FAM227A: variants seen among roughly 807,000 people sequenced by gnomAD.
FAM227A encodes family with sequence similarity 227 member A.
FAM227A carries 80 observed loss-of-function variants against 74.7 expected under a neutral mutation model. The observed-to-expected ratio is 1.07, with a 90% CI of 0.89 to 1.29. The LOEUF (loss-of-function observed/expected upper bound fraction) is 1.29. FAM227A is among the 50% of genes most tolerant of loss of function. The probability of loss-of-function intolerance (pLI) is 0.00; values close to 1 mark genes in which losing one functional copy is unlikely to be tolerated. For synonymous variants in FAM227A, 237 were observed against 241.8 expected (o/e 0.98, Z 0.19); for missense variants, 654 against 683.4 (o/e 0.96, Z 0.48).
intron 15 of FAM227A, among the ~76,000 whole-genome samples, chr22:38,593,711 G>C (rs1234735929): frequency 6.6e-6 from 1 of 151,914 alleles, no homozygotes; most frequent in Non-Finnish European, 1.5e-5. Context: ...TTTATTTAGA[G>C]ACAGGGTCTC....
chr22:38,610,952 T>C (rs1056079628), intron 11 of FAM227A, among the ~76,000 whole-genome samples: 3 of 151,954 alleles, frequency 2.0e-5, no homozygotes, highest in East Asian at 3.9e-4. Context: ...CCCAGCTACT[T>C]GGGAGGCTGA....
chr22:38,621,196 C>A (rs948548561), intron 10 of FAM227A, among the ~76,000 whole-genome samples: 23 of 151,482 alleles, frequency 1.5e-4, no homozygotes, highest in African/African-American at 5.6e-4. Context: ...ACTAAAAATA[C>A]AAAAATTAGC....
rs1715751637 is a variant in FAM227A, at chr22:38,591,304, G to C, written c.1638+131C>G. 1.2e-5 allele frequency: 17 copies of C among 1,403,988 alleles called. No homozygotes were observed. The South Asian group carries it at 2.4e-4, about 20-fold the overall frequency. 87.0% of individuals were successfully genotyped at this position (1,403,988 alleles called of 1,614,324 possible). A position where few individuals can be genotyped will look rare whatever the true frequency, so the allele number is the denominator to read the frequency against. On this transcript the variant is annotated intron_variant, in intron 16 of 16. Transcript: ENST00000535113. ...GCACCACTGCACTCAGCCTTGAGGAGAGAGTGAGACTCTGTCTCAGTAAAA... is the reference window on the plus strand; with the variant it reads ...GCACCACTGCACTCAGCCTTGAGGACAGAGTGAGACTCTGTCTCAGTAAAA...
At position 38,626,312 on chromosome 22, in the gene FAM227A, C is replaced by G; in HGVS notation, c.727-9G>C. Reference sequence around the variant, plus strand: ...AGAAGTGATGGCAGCCTCTGCGGAGCAAGCCGAGCTCAGGCAACGTTCTCA... The same window carrying G: ...AGAAGTGATGGCAGCCTCTGCGGAGGAAGCCGAGCTCAGGCAACGTTCTCA... On this transcript the variant is annotated splice_polypyrimidine_tract_variant and intron_variant, in intron 8 of 16. Transcript: ENST00000535113. The G allele has an allele frequency of 6.5e-7, 1 of 1,550,010 alleles. No homozygotes were observed.
At chr22:38,633,408 G>A (rs1335503510) in intron 6 of FAM227A, among the ~76,000 whole-genome samples, 1 of 152,170 alleles carries the variant, frequency 6.6e-6, no homozygotes, top group East Asian at 1.9e-4. Context: ...CAAATGAATT[G>A]TGAACACTCA....
At chr22:38,596,578 G>T (rs2091049089) in intron 15 of FAM227A, among the ~76,000 whole-genome samples, 1 of 152,126 alleles carries the variant, frequency 6.6e-6, no homozygotes, top group African/African-American at 2.4e-5. Context: ...GGACAATTGG[G>T]GAAATCTGAA....
intron 11 of FAM227A, among the ~76,000 whole-genome samples, chr22:38,616,046 G>C (rs1306268968): frequency 6.6e-6 from 1 of 152,162 alleles, no homozygotes; most frequent in African/African-American, 2.4e-5. Context: ...GACCAAATGA[G>C]GCCACCCAGG....
chr22:38,592,540 C>T (rs942157958), intron 15 of FAM227A, among the ~76,000 whole-genome samples: 9 of 152,250 alleles, frequency 5.9e-5, no homozygotes, highest in Non-Finnish European at 1.0e-4. Flanking sequence ...GACTCATCTT[C>T]CTTTGAACTG....
chr22:38,599,689 C>T (rs1602883991), intron 14 of FAM227A, 75 bp downstream of exon 14: 1 of 1,415,474 alleles, frequency 7.1e-7, no homozygotes, highest in Admixed American at 2.5e-5. Flanking sequence ...GGGTGCCATT[C>T]CCTGACCTTT....
rs1401932013 is a variant in FAM227A at position 38,580,058 on chromosome 22, C to G, written c.*6067G>C. On this transcript the variant is annotated 3_prime_UTR_variant, in exon 17 of 17. Coordinates refer to ENST00000535113, the MANE Select transcript of FAM227A (RefSeq NM_001013647.2). ...ACGTCAGCCTCCCAAGTAGCTAGGA[C>G]TACAGGCGTATGCCACCTTGCTCTG... The G allele has an allele frequency of 6.6e-6, 1 of 151,924 alleles. No individual in the cohort carries two copies. Among genetic ancestry groups the G allele is most frequent in the African/African-American group, 2.4e-5 (1 of 41,292 alleles). The allele number at this position is 151,924 out of a possible 1,614,324, so 9.4% of individuals were successfully genotyped here. A position where few individuals can be genotyped will look rare whatever the true frequency, so the allele number is the denominator to read the frequency against.
chr22:38,634,661 T>C (rs2145638488), intron 6 of FAM227A, among the ~76,000 whole-genome samples: 1 of 152,280 alleles, frequency 6.6e-6, no homozygotes, highest in Admixed American at 6.5e-5. Context: ...GTGAGCATCT[T>C]TGTACACTGT....
In FAM227A at chr22:38,644,071, G is replaced by A. The variant is rs544720724; in HGVS notation, c.225+1492C>T. ...TGAGGCAGGAGAATGGTGTGAACCCGGGAGGCAGAGCTTGCAGTGAGCCGA... is the reference window on the plus strand; with the variant it reads ...TGAGGCAGGAGAATGGTGTGAACCCAGGAGGCAGAGCTTGCAGTGAGCCGA... On this transcript the variant is annotated intron_variant, in intron 3 of 16. Coordinates refer to ENST00000535113, the MANE Select transcript of FAM227A (RefSeq NM_001013647.2). Among the ~76,000 whole-genome samples the A allele has an allele frequency of 2.6e-5, 4 of 150,950 alleles. No individual in the cohort carries two copies. In the South Asian group the frequency reaches 6.3e-4, roughly 24 times the overall value.
intron 1 of FAM227A, among the ~76,000 whole-genome samples, chr22:38,652,310 C>T (rs891631944): frequency 6.6e-5 from 10 of 150,626 alleles, no homozygotes; most frequent in African/African-American, 2.2e-4. Context: ...GACTTTAGGC[C>T]AGGCGCAGTG....
chr22:38,629,147 C>T, intron 6 of FAM227A: 1 of 477,046 alleles, frequency 2.1e-6, no homozygotes, highest in East Asian at 4.0e-5. Context: ...ACCAAAGTGG[C>T]AAGTGGCTGA....
chr22:38,582,924 G>C lies in FAM227A; in HGVS notation c.*3201C>G. ...GGGACGTCTAAGCGGGGTCCTGGAG[G>C]AAGAGCAGGAATTAGTGATGTTGGC... is the stretch of plus-strand genomic sequence containing the variant. On this transcript the variant is annotated 3_prime_UTR_variant, in exon 17 of 17. Transcript: ENST00000535113. 6.4e-7 allele frequency: 1 copy of C among 1,550,542 alleles called. No homozygotes were observed. Among genetic ancestry groups the C allele is most frequent in the Non-Finnish European group, 8.7e-7 (1 of 1,146,980 alleles).
rs368009173 is a variant in FAM227A, at chr22:38,623,291, G to A, written c.851-12C>T. 1.8e-5 allele frequency: 28 copies of A among 1,535,844 alleles called. No homozygotes were observed. Among genetic ancestry groups the A allele is most frequent in the Non-Finnish European group, 2.0e-5 (23 of 1,132,816 alleles). On this transcript the variant is annotated splice_polypyrimidine_tract_variant and intron_variant, in intron 9 of 16. Transcript: ENST00000535113. The stretch of plus-strand genomic sequence containing the variant: ...GCTAGGATAGGTGCCTAAGGGAGGA[G>A]TCAAGAGTGAGAATGGGGCCGGGTG...
chr22:38,600,057 C>A, intron 13 of FAM227A, 136 bp from the exon 14 acceptor site: 1 of 849,878 alleles, frequency 1.2e-6, no homozygotes, highest in African/African-American at 1.7e-5. Context: ...AAGAAAATTA[C>A]TCAAAATAAA....
chr22:38,613,269 A>G (rs2091480202), intron 11 of FAM227A, among the ~76,000 whole-genome samples: 1 of 86,598 alleles, frequency 1.2e-5, no homozygotes, highest in South Asian at 2.8e-4. Flanking sequence ...ATTATAACAT[A>G]TATTATATAT....
At chr22:38,639,034 G>A (rs997691712) in intron 4 of FAM227A, among the ~76,000 whole-genome samples, 2 of 152,030 alleles carry the variant, frequency 1.3e-5, no homozygotes, top group Non-Finnish European at 2.9e-5. Flanking sequence ...TGTGACTTTA[G>A]GTAAGTTACT....
Sources: allele counts gnomAD v4.1 joint callset (sites outside exome capture counted in the v4.1 genomes callset), GRCh38; gene constraint gnomAD v4.1.1; transcripts MANE v1.5; gene names NCBI Gene and HGNC (gene_info 2026-07-23, HGNC 2026-07-21).